Variants in SLC2A7 observed in about 807,000 individuals in gnomAD.
SLC2A7 encodes the protein solute carrier family 2 member 7, also known as solute carrier family 2, facilitated glucose transporter member 7.
SLC2A7 carries 50 observed loss-of-function variants against 50.5 expected under a neutral mutation model. The observed-to-expected ratio is 0.99, with a 90% CI of 0.79 to 1.25. The LOEUF is 1.25. SLC2A7 is among the 50% of genes most tolerant of loss of function. The probability of loss-of-function intolerance (pLI) is 0.00; values close to 1 mark genes in which losing one functional copy is unlikely to be tolerated. For synonymous variants in SLC2A7, 308 were observed against 300.4 expected, an observed-to-expected ratio of 1.03 and a Z score of -0.26; for missense variants, 683 against 679.1, an observed-to-expected ratio of 1.01 and a Z score of -0.06.
chr1:9,012,099 G>A (rs1640758825), intron 8 of SLC2A7, among the ~76,000 whole-genome samples: 1 of 152,034 alleles, frequency 6.6e-6, no homozygotes, highest in African/African-American at 2.4e-5. Context: ...CCTAATGGCT[G>A]ACCAGAGCCG....
chr1:9,015,080 TG>T lies in SLC2A7; in HGVS notation c.715+36del, dbSNP rs777546160. On this transcript the variant is annotated intron_variant, in intron 6 of 11. Coordinates refer to ENST00000400906, the MANE Select transcript of SLC2A7 (RefSeq NM_207420.3). ...CCGTGTCTCTGCCTGGCCCCCGGGG[TG>T]GGCAGGGCCTGGGAGAGTAGCCGGC... is the stretch of plus-strand genomic sequence containing the variant. The T allele has an allele frequency of 1.7e-5, 28 of 1,609,730 alleles. 1 individual carries two copies. The South Asian group carries it at 3.0e-4, about 17-fold the overall frequency.
chr1:9,004,754 G>A lies in SLC2A7; in HGVS notation c.1318C>T (p.Gln440Ter), dbSNP rs550814463. 1.2e-6 allele frequency: 2 copies of A among 1,614,020 alleles called. No homozygotes were observed. The highest frequency in any genetic ancestry group is 1.7e-4 in the Middle Eastern group (1 of 6,060). Residue 440 changes from glutamine to a stop codon, truncating the protein, a stop_gained and splice_region_variant, in exon 11 of 12, where the codon CAG becomes TAG. Transcript: ENST00000400906. LOFTEE classifies it low-confidence loss of function (END_TRUNC). ...FIIGFLFPSI[Q>*]EAIGAYSFII... is the part of the protein sequence containing the mutation. ...TTGGGGAAGGGGCCCTCACTCACCT[G>A]GATGGATGGGAACAGGAAGCCTATG...
chr1:9,025,187 C>A, intron 1 of SLC2A7, 113 bp from the exon 2 acceptor site: 2 of 1,080,620 alleles, frequency 1.9e-6, no homozygotes. Flanking sequence ...TGGGGGATCC[C>A]AGGCCGTGCC....
chr1:9,020,391 T>C (rs1640894801), intron 3 of SLC2A7, among the ~76,000 whole-genome samples: 1 of 152,198 alleles, frequency 6.6e-6, no homozygotes, highest in South Asian at 2.1e-4. Flanking sequence ...ACATGATTTC[T>C]AAGATCCCTT....
At chr1:9,023,213 T>C (rs1018450645) in intron 2 of SLC2A7, 135 bp from the exon 3 acceptor site, 4 of 803,176 alleles carry the variant, frequency 5.0e-6, no homozygotes, top group Non-Finnish European at 5.7e-6. Context: ...TTAAACCCAC[T>C]GATTCCCTAC....
At chr1:9,023,350 G>A (rs866848440) in intron 2 of SLC2A7, among the ~76,000 whole-genome samples, 4 of 152,204 alleles carry the variant, frequency 2.6e-5, no homozygotes, top group Non-Finnish European at 5.9e-5. Flanking sequence ...GCTCACGCCC[G>A]TAATCCCGGC....
Position 9,007,319 on chromosome 1 carries a change from T to C in SLC2A7, c.1183A>G (p.Ile395Val), listed in dbSNP as rs576820002. The stretch of plus-strand genomic sequence containing the variant: ...GCGTGCAGGTACTCACTGGGCCCAA[T>C]GGAATGTCCCGCGATGTAGGCAAAG... ...CVFAYIAGHS[I>V]GPSPVPSVVR... is the part of the protein sequence containing the mutation. Residue 395 changes from isoleucine to valine, a missense_variant, in exon 10 of 12, where the codon ATT becomes GTT. Physicochemically the swap from Ile to Val is conservative, Grantham distance 29. Coordinates refer to ENST00000400906, the MANE Select transcript of SLC2A7 (RefSeq NM_207420.3). The C allele has an allele frequency of 6.2e-7, 1 of 1,614,156 alleles. No homozygotes were observed. The highest frequency in any genetic ancestry group is 1.1e-5 in the South Asian group (1 of 91,078).
chr1:9,004,757 T>C lies in SLC2A7; in HGVS notation c.1315A>G (p.Ile439Val), dbSNP rs929554652. 22 of 1,613,700 alleles carry C rather than the reference T, an allele frequency of 1.4e-5. No homozygotes were observed. Among genetic ancestry groups the C allele is most frequent in the Middle Eastern group, 1.6e-4 (1 of 6,082 alleles). Reference protein sequence around the residue: ...NFIIGFLFPSIQEAIGAYSFI... With the variant: ...NFIIGFLFPSVQEAIGAYSFI... ...GGGAAGGGGCCCTCACTCACCTGGA[T>C]GGATGGGAACAGGAAGCCTATGATG... is the stretch of plus-strand genomic sequence containing the variant. The change falls in exon 11 of 12, where the codon ATC (isoleucine) becomes GTC (valine). Residue 439 changes from isoleucine to valine, a missense_variant. Coordinates refer to ENST00000400906, the MANE Select transcript of SLC2A7 (RefSeq NM_207420.3).
downstream of SLC2A7, among the ~76,000 whole-genome samples, chr1:9,001,419 A>G (rs1004452435): frequency 2.4e-4 from 30 of 124,310 alleles, no homozygotes; most frequent in East Asian, 6.6e-3. Flanking sequence ...TGCAGGTGCT[A>G]TTTTTTTTTT....
chr1:9,007,919 C>T (rs1300219792), intron 9 of SLC2A7, among the ~76,000 whole-genome samples: 1 of 151,934 alleles, frequency 6.6e-6, no homozygotes, highest in Non-Finnish European at 1.5e-5. Flanking sequence ...GTTTCAGTTC[C>T]ACAATTGTGG....
At position 9,003,486 on chromosome 1, in the gene SLC2A7, AAAG is replaced by A; in HGVS notation, c.1350_1352del (p.Phe451del). ...TCGCAGTGAGGAGGCAGATTCCGGC[AAAG>A]ATGATGAAACTGTAGGCACCGATGG... On this transcript the variant is annotated inframe_deletion, in exon 12 of 12. Transcript: ENST00000400906. The A allele has an allele frequency of 3.7e-6, 6 of 1,614,244 alleles. No homozygotes were observed. The highest frequency in any genetic ancestry group is 5.1e-6 in the Non-Finnish European group (6 of 1,180,042).
At chr1:8,998,174 T>C (rs1011957486), downstream of SLC2A7, among the ~76,000 whole-genome samples, 8 of 152,158 alleles carry the variant, frequency 5.3e-5, no homozygotes, top group Admixed American at 4.6e-4. Flanking sequence ...GAGGCCGAGG[T>C]AGGTGGATCA....
intron 7 of SLC2A7, 85 bp downstream of exon 7, chr1:9,014,596 C>T: frequency 6.7e-7 from 1 of 1,495,400 alleles, no homozygotes; most frequent in Non-Finnish European, 9.0e-7. Flanking sequence ...CCAGGCCAGG[C>T]CTCTGTGGGT....
At chr1:8,994,795 G>T in the SLC2A7 span, among the ~76,000 whole-genome samples, 4 of 151,790 alleles carry the variant, frequency 2.6e-5, no homozygotes, top group Admixed American at 2.0e-4. Context: ...TTTTGAGATG[G>T]AGTCTTGCTC....
chr1:9,019,099 T>G, intron 4 of SLC2A7, 110 bp downstream of exon 4: 1 of 1,444,068 alleles, frequency 6.9e-7, no homozygotes, highest in East Asian at 2.4e-5. Flanking sequence ...GGAGGACGTC[T>G]TGAAATGAAA....
At chr1:9,001,723 C>T (rs945935305), downstream of SLC2A7, among the ~76,000 whole-genome samples, 1 of 152,060 alleles carries the variant, frequency 6.6e-6, no homozygotes, top group Non-Finnish European at 1.5e-5. Flanking sequence ...CGGCACTGCA[C>T]CTTGTTTTCA....
chr1:9,011,010 C>T (rs772027923), intron 8 of SLC2A7, among the ~76,000 whole-genome samples: 3 of 152,236 alleles, frequency 2.0e-5, no homozygotes, highest in East Asian at 1.9e-4. Flanking sequence ...AGCTTTCACA[C>T]GCAAGGCCAG....
chr1:9,010,546 C>T (rs532528926), intron 8 of SLC2A7, among the ~76,000 whole-genome samples: 6 of 152,206 alleles, frequency 3.9e-5, no homozygotes, highest in African/African-American at 9.6e-5. Context: ...CTCGTAGAGA[C>T]GAGGTTTCAC....
downstream of SLC2A7, among the ~76,000 whole-genome samples, chr1:8,998,968 G>C (rs370614190): frequency 1.4e-3 from 214 of 152,238 alleles, 10 homozygotes; most frequent in South Asian, 0.044. Context: ...GAATTGAGAA[G>C]TGTTCCTTCC....
Sources: allele counts gnomAD v4.1 joint callset (sites outside exome capture counted in the v4.1 genomes callset), GRCh38; gene constraint gnomAD v4.1.1; transcripts MANE v1.5; gene names NCBI Gene and HGNC (gene_info 2026-07-23, HGNC 2026-07-21).